The following FBXO34 variants were observed in gnomAD, a reference collection of about 807,000 sequenced individuals.
FBXO34 encodes the protein F-box protein 34.
A neutral mutation model predicts 24.5 loss-of-function variants in FBXO34; 12 were observed. That is an observed-to-expected ratio of 0.49 (90% confidence interval 0.31 to 0.79). FBXO34 has a LOEUF of 0.79. Among genes scored for constraint, FBXO34 ranks in the 30% least tolerant of loss-of-function variants. FBXO34 has a pLI of 0.04. For missense variants in FBXO34, 823 were observed against 857.7 expected (o/e 0.96, Z 0.51); for synonymous variants, 320 against 311.9 (o/e 1.03, Z -0.27).
Position 55,351,456 on chromosome 14 carries a change from G to A in FBXO34, c.1066G>A (p.Asp356Asn). 6.2e-7 allele frequency: 1 copy of A among 1,614,178 alleles called. No homozygotes were observed. The highest frequency in any genetic ancestry group is 8.5e-7 in the Non-Finnish European group (1 of 1,180,024). Residue 356 changes from aspartate to asparagine, a missense_variant, in exon 2 of 2, where the codon GAT becomes AAT. Around this residue, in one of 2 missense-constraint regions of FBXO34, gnomAD observed 693 missense variants for 659.1 expected, o/e 1.05. Coordinates refer to ENST00000313833, the MANE Select transcript of FBXO34 (RefSeq NM_017943.4). ...TGTGGATTGTGGCCCTTCAAGAGCT[G>A]ATCGTTGTTCTCCTAAGGAGGACCA... ...VSVDCGPSRA[D>N]RCSPKEDQAW...
At chr14:55,322,911 CGCCTGT>C (rs1197745270) in intron 1 of FBXO34, among the ~76,000 whole-genome samples, 2 of 149,524 alleles carry the variant, frequency 1.3e-5, no homozygotes, top group Non-Finnish European at 3.0e-5. Context: ...CGGTGGCTCA[CGCCTGT>C]AATCCCAGCA....
At chr14:55,411,931 C>A in the FBXO34 span, 3 of 1,003,748 alleles carry the variant, frequency 3.0e-6, no homozygotes, top group African/African-American at 1.6e-5. Context: ...GGCGAGCCCC[C>A]GGACCCCTCC....
chr14:55,324,686 C>T (rs1164921606), intron 1 of FBXO34, among the ~76,000 whole-genome samples: 1 of 151,750 alleles, frequency 6.6e-6, no homozygotes, highest in Non-Finnish European at 1.5e-5. Context: ...TAATATTTTG[C>T]CATTGTGTGT....
chr14:55,441,833 G>C, the FBXO34 span, among the ~76,000 whole-genome samples: 2 of 151,816 alleles, frequency 1.3e-5, no homozygotes, highest in Admixed American at 6.6e-5. Flanking sequence ...GCAGATCTTG[G>C]CTCACTGCAA....
At chr14:55,401,814 G>A in the FBXO34 span, among the ~76,000 whole-genome samples, 19 of 152,274 alleles carry the variant, frequency 1.2e-4, 1 homozygote, top group African/African-American at 3.4e-4. Flanking sequence ...ACCCAGGAGC[G>A]CTGCCTGTCC....
intron 1 of FBXO34, among the ~76,000 whole-genome samples, chr14:55,320,769 A>ATG (rs1883104044): frequency 6.6e-6 from 1 of 152,176 alleles, no homozygotes; most frequent in African/African-American, 2.4e-5. Context: ...ATATATATAT[A>ATG]AAGTTTTAAG....
chr14:55,299,207 A>T, intron 1 of FBXO34: 2 of 946,300 alleles, frequency 2.1e-6, no homozygotes, highest in South Asian at 2.6e-5. Flanking sequence ...TAGCCCTACC[A>T]TCAAAACCTG....
chr14:55,352,469 C>T lies in FBXO34; in HGVS notation c.2079C>T (p.Ser693=). 3 of 1,613,842 alleles carry T rather than the reference C, an allele frequency of 1.9e-6. No homozygotes were observed. Among genetic ancestry groups the T allele is most frequent in the South Asian group, 2.2e-5 (2 of 91,040 alleles). Residue 693 remains serine, a synonymous_variant, in exon 2 of 2, where the codon AGC becomes AGT. Transcript: ENST00000313833. ...HDNHWVPACH[S]FNRAIHKKAK... ...ATCACTGGGTTCCTGCCTGCCACAG[C>T]TTTAATCGGGCAATCCATAAGAAAG... is the stretch of plus-strand genomic sequence containing the variant.
At chr14:55,416,190 C>T in the FBXO34 span, among the ~76,000 whole-genome samples, 1 of 152,130 alleles carries the variant, frequency 6.6e-6, no homozygotes, top group African/African-American at 2.4e-5. Flanking sequence ...AATACACAAC[C>T]AGCTACTAAA....
the FBXO34 span, among the ~76,000 whole-genome samples, chr14:55,391,491 G>GAAAAA: frequency 7.0e-6 from 1 of 142,260 alleles, no homozygotes; most frequent in Non-Finnish European, 1.5e-5. Flanking sequence ...AAAAAAAAAA[G>GAAAAA]GAAAGGGAAA....
At chr14:55,291,255 G>T (rs987247480) in intron 1 of FBXO34, among the ~76,000 whole-genome samples, 7 of 152,028 alleles carry the variant, frequency 4.6e-5, no homozygotes, top group Non-Finnish European at 7.4e-5. Flanking sequence ...TAATTTCATA[G>T]GTAAAAAAAT....
In FBXO34 at chr14:55,298,845, G is replaced by A. The variant is rs542533445; in HGVS notation, c.-11+27308G>A. On this transcript the variant is annotated intron_variant, in intron 1 of 1. Transcript: ENST00000313833. ...TAAGAAGAGGTATGAGAAGCAGCTGGCGCAGATCGACGGTACATTATCAAC... is the reference window on the plus strand; with the variant it reads ...TAAGAAGAGGTATGAGAAGCAGCTGACGCAGATCGACGGTACATTATCAAC... 180 of 1,612,868 alleles carry A rather than the reference G, an allele frequency of 1.1e-4. No homozygotes were observed. In the African/African-American group the frequency reaches 2.3e-3, roughly 21 times the overall value.
intron 1 of FBXO34, among the ~76,000 whole-genome samples, chr14:55,281,107 C>T (rs529070509): frequency 6.6e-6 from 1 of 151,864 alleles, no homozygotes; most frequent in South Asian, 2.1e-4. Context: ...AAGCATATCC[C>T]TTTGGGCATG....
At chr14:55,368,528 C>G (rs948858501), downstream of FBXO34, 1 of 152,334 alleles carries the variant, frequency 6.6e-6, no homozygotes, top group Admixed American at 6.5e-5. Context: ...CTGGGAAATT[C>G]TTTCTTTATA....
intron 1 of FBXO34, among the ~76,000 whole-genome samples, chr14:55,335,961 A>G (rs1354955240): frequency 6.6e-6 from 1 of 152,154 alleles, no homozygotes; most frequent in African/African-American, 2.4e-5. Context: ...GGAGGTGACT[A>G]TTTTTGTTAT....
chr14:55,349,864 C>G (rs977576045), intron 1 of FBXO34, among the ~76,000 whole-genome samples: 8 of 151,988 alleles, frequency 5.3e-5, no homozygotes, highest in South Asian at 4.1e-4. Flanking sequence ...GCCTTGTCCT[C>G]CCAAAGTGCT....
intron 1 of FBXO34, among the ~76,000 whole-genome samples, chr14:55,280,972 A>G (rs1460572279): frequency 6.6e-6 from 1 of 151,958 alleles, no homozygotes. Flanking sequence ...TAAAAAAGGA[A>G]AAAGAAACAG....
chr14:55,313,578 GAA>G (rs1053909515), intron 1 of FBXO34, among the ~76,000 whole-genome samples: 1 of 152,178 alleles, frequency 6.6e-6, no homozygotes, highest in Non-Finnish European at 1.5e-5. Context: ...ATTTATAAAG[GAA>G]AGAGGTTTAA....
chr14:55,411,942 G>T, the FBXO34 span: 1 of 894,454 alleles, frequency 1.1e-6, no homozygotes, highest in Non-Finnish European at 1.7e-6. Flanking sequence ...GGACCCCTCC[G>T]CCGCCGCGTG....
Sources: gnomAD v4.1 joint callset for allele counts (sites outside exome capture counted in the v4.1 genomes callset) on GRCh38, gnomAD v4.1.1 for gene constraint, gnomAD v4.1.1 regional missense constraint, MANE v1.5 for transcripts, NCBI Gene and HGNC (gene_info 2026-07-23, HGNC 2026-07-21) for gene names.